Variants in GPR89B observed in about 807,000 individuals in gnomAD.
The protein encoded by GPR89B is golgi pH regulator B.
A neutral mutation model predicts 52.4 loss-of-function variants in GPR89B; 25 were observed. The observed-to-expected ratio is 0.48, with a 90% CI of 0.35 to 0.67. GPR89B has a LOEUF of 0.67. Among genes scored for constraint, GPR89B ranks in the 30% least tolerant of loss-of-function variants. The pLI, the probability that GPR89B is intolerant of heterozygous loss-of-function variation, is 0.01. For missense variants in GPR89B, 146 were observed against 450.2 expected, an observed-to-expected ratio of 0.32 and a Z score of 6.11; for synonymous variants, 52 against 151.2, an observed-to-expected ratio of 0.34 and a Z score of 4.81.
At position 147,993,094 on chromosome 1, in the gene GPR89B, C is replaced by T; in HGVS notation, c.*177C>T. Reference sequence around the variant, plus strand: ...GTGATACTATGACCATGAGTAGCATCAGCCAGAACATGAGAGGGAGAACTA... The same window carrying T: ...GTGATACTATGACCATGAGTAGCATTAGCCAGAACATGAGAGGGAGAACTA... On this transcript the variant is annotated 3_prime_UTR_variant, in exon 14 of 14. Coordinates refer to ENST00000314163, the MANE Select transcript of GPR89B (RefSeq NM_016334.5). 4 of 1,510,022 alleles carry T rather than the reference C, an allele frequency of 2.6e-6. No homozygotes were observed. The South Asian group carries it at 5.4e-5, about 20-fold the overall frequency. The allele number at this position is 1,510,022 out of a possible 1,614,324, so 93.5% of individuals were successfully genotyped here. A position where few individuals can be genotyped will look rare whatever the true frequency, so the allele number is the denominator to read the frequency against.
chr1:147,946,693 C>T (rs1199781809), intron 5 of GPR89B, among the ~76,000 whole-genome samples: 1 of 152,154 alleles, frequency 6.6e-6, no homozygotes. Context: ...GCATTCAGCT[C>T]ACATGACCAG....
At chr1:147,931,120 T>C (rs1432608495) in intron 1 of GPR89B, among the ~76,000 whole-genome samples, 1 of 152,028 alleles carries the variant, frequency 6.6e-6, no homozygotes, top group Non-Finnish European at 1.5e-5. Context: ...TGCCATTCTA[T>C]CCCTTGGACC....
At position 147,993,222 on chromosome 1, in the gene GPR89B, T is replaced by A. The variant is rs1452107947; in HGVS notation, c.*305T>A. ...AAAGGTGAAAAATACACTGGAACTCTGGGGCAAGAGATGTCTATGGTAGCT... is the reference window on the plus strand; with the variant it reads ...AAAGGTGAAAAATACACTGGAACTCAGGGGCAAGAGATGTCTATGGTAGCT... On this transcript the variant is annotated 3_prime_UTR_variant, in exon 14 of 14. Transcript: ENST00000314163. 1 of 999,224 alleles carries A rather than the reference T, an allele frequency of 1.0e-6. No individual in the cohort carries two copies. Among genetic ancestry groups the A allele is most frequent in the Admixed American group, 3.1e-5 (1 of 32,046 alleles). The allele number at this position is 999,224 out of a possible 1,614,324, so 61.9% of individuals were successfully genotyped here. A position where few individuals can be genotyped will look rare whatever the true frequency, so the allele number is the denominator to read the frequency against.
the GPR89B span, chr1:148,011,155 G>A: frequency 6.6e-6 from 1 of 152,122 alleles, no homozygotes; most frequent in Non-Finnish European, 1.5e-5. Context: ...CATGCTCCAA[G>A]TTCATGCTTG....
At chr1:147,982,993 C>T (rs1658387016) in intron 10 of GPR89B, among the ~76,000 whole-genome samples, 2 of 151,790 alleles carry the variant, frequency 1.3e-5, no homozygotes, top group Non-Finnish European at 2.9e-5. Context: ...TGTACATTGG[C>T]ACCGAACAGA....
At position 147,928,459 on chromosome 1, in the gene GPR89B, T is replaced by C. The variant is rs587652991; in HGVS notation, c.-78T>C. On this transcript the variant is annotated 5_prime_UTR_variant, in exon 1 of 14. Coordinates refer to ENST00000314163, the MANE Select transcript of GPR89B (RefSeq NM_016334.5). ...AGCACCTGGGAGAAGGCAGACCGTG[T>C]GAGGGGGCCTGTGGCCCCAGCGTGC... The C allele has an allele frequency of 6.4e-7, 1 of 1,554,690 alleles. No homozygotes were observed. Among genetic ancestry groups the C allele is most frequent in the East Asian group, 2.2e-5 (1 of 44,500 alleles).
chr1:147,965,451 T>C lies in GPR89B; in HGVS notation c.618-1103T>C, dbSNP rs1252830987. On this transcript the variant is annotated intron_variant, in intron 7 of 13. Transcript: ENST00000314163. ...TCTATTTTTATTAGACTCATCCTAG[T>C]TCATTTTATGCCTGTAGGCCTTGGC... Among the ~76,000 whole-genome samples, 3 of 152,090 alleles carry C rather than the reference T, an allele frequency of 2.0e-5. No homozygotes were observed. In the South Asian group the frequency reaches 6.2e-4, roughly 31 times the overall value.
At chr1:147,946,652 T>C (rs1369633763) in intron 5 of GPR89B, among the ~76,000 whole-genome samples, 1 of 152,090 alleles carries the variant, frequency 6.6e-6, no homozygotes, top group Non-Finnish European at 1.5e-5. Context: ...AAGACCCGAC[T>C]CTGACACCTT....
At chr1:147,936,798 A>C in intron 2 of GPR89B, 112 bp downstream of exon 2, 1 of 796,400 alleles carries the variant, frequency 1.3e-6, no homozygotes, top group South Asian at 1.7e-5. Context: ...GCTTTTACCA[A>C]ATAAGTACTA....
intron 11 of GPR89B, 88 bp downstream of exon 11, chr1:147,986,382 T>C: frequency 2.6e-6 from 4 of 1,556,622 alleles, no homozygotes; most frequent in East Asian, 2.3e-5. Context: ...TTGTATACTT[T>C]AGGTACTTGC....
chr1:147,968,109 T>C (rs2784366), intron 8 of GPR89B: 15 of 359,796 alleles, frequency 4.2e-5, no homozygotes, highest in South Asian at 2.3e-4. Context: ...GCCAATAATA[T>C]GGGTTTGAGC....
intron 10 of GPR89B, among the ~76,000 whole-genome samples, chr1:147,984,809 C>T: frequency 6.6e-6 from 1 of 151,560 alleles, no homozygotes; most frequent in Non-Finnish European, 1.5e-5. Context: ...TGAGGATCTT[C>T]CAAATATTAT....
At chr1:147,941,508 T>G (rs1654556097) in intron 3 of GPR89B, among the ~76,000 whole-genome samples, 1 of 151,666 alleles carries the variant, frequency 6.6e-6, no homozygotes, top group African/African-American at 2.4e-5. Flanking sequence ...CTTTGTTTCG[T>G]GATGCCTGCC....
intron 1 of GPR89B, among the ~76,000 whole-genome samples, chr1:147,931,718 A>C (rs1212754285): frequency 3.3e-5 from 5 of 151,654 alleles, no homozygotes; most frequent in Non-Finnish European, 7.4e-5. Context: ...TTAGTTTTTC[A>C]ACCCTTCCCC....
At chr1:147,963,860 GAT>G (rs1215407240) in intron 7 of GPR89B, among the ~76,000 whole-genome samples, 3 of 152,128 alleles carry the variant, frequency 2.0e-5, no homozygotes, top group Non-Finnish European at 4.4e-5. Context: ...GAGAAATGAA[GAT>G]TTATATTCAC....
At chr1:147,999,335 G>A in the GPR89B span, among the ~76,000 whole-genome samples, 9 of 151,688 alleles carry the variant, frequency 5.9e-5, no homozygotes, top group African/African-American at 1.5e-4. Flanking sequence ...TGGCCCGGGC[G>A]TGTTGGCTTA....
At chr1:147,937,537 AAGAC>A (rs1654190882) in intron 2 of GPR89B, among the ~76,000 whole-genome samples, 1 of 152,094 alleles carries the variant, frequency 6.6e-6, no homozygotes, top group Non-Finnish European at 1.5e-5. Flanking sequence ...TCAACCGCAT[AAGAC>A]AGACACTCCC....
At chr1:148,010,553 A>T in the GPR89B span, 1 of 152,348 alleles carries the variant, frequency 6.6e-6, no homozygotes, top group East Asian at 1.9e-4. Flanking sequence ...AAGCTCCATC[A>T]TCCCACAGAT....
intron 7 of GPR89B, among the ~76,000 whole-genome samples, chr1:147,962,651 C>G (rs1195844656): frequency 6.6e-6 from 1 of 151,918 alleles, no homozygotes; most frequent in African/African-American, 2.4e-5. Context: ...AATCCCAGCA[C>G]TTTGGGAAGC....
Sources: allele counts gnomAD v4.1 joint callset (sites outside exome capture counted in the v4.1 genomes callset), GRCh38; gene constraint gnomAD v4.1.1; transcripts MANE v1.5; gene names NCBI Gene and HGNC (gene_info 2026-07-23, HGNC 2026-07-21).